Variants in DGKB observed in about 807,000 individuals in gnomAD.
DGKB encodes 90 kDa diacylglycerol kinase.
Under a neutral mutation model 114.3 loss-of-function variants are expected in DGKB, and 67 were observed. The observed-to-expected ratio is 0.59, with a 90% CI of 0.48 to 0.72. DGKB has a LOEUF of 0.72. Ranked by LOEUF, DGKB falls within the 30% of genes least tolerant of loss-of-function variation. DGKB has a pLI of 0.00. For missense variants in DGKB, 907 were observed against 975.2 expected (o/e 0.93, Z 0.93); for synonymous variants, 398 against 323.1 (o/e 1.23, Z -2.49).
chr7:14,333,927 A>C (rs910610103), intron 23 of DGKB, among the ~76,000 whole-genome samples: 1 of 152,190 alleles, frequency 6.6e-6, no homozygotes, highest in African/African-American at 2.4e-5. Flanking sequence ...AAAAGCTCCA[A>C]TTTCATTGCT....
intron 23 of DGKB, among the ~76,000 whole-genome samples, chr7:14,241,947 C>A (rs1793725684): frequency 1.0e-5 from 1 of 95,636 alleles, no homozygotes; most frequent in Non-Finnish European, 2.0e-5. Context: ...GATATATACA[C>A]ACACACATAT....
At chr7:14,208,177 T>A in intron 23 of DGKB, among the ~76,000 whole-genome samples, 1 of 152,026 alleles carries the variant, frequency 6.6e-6, no homozygotes, top group African/African-American at 2.4e-5. Context: ...TGAGAGAGTA[T>A]ATTCAACACA....
chr7:14,673,038 A>T lies in DGKB; in HGVS notation c.1036-11T>A. ...ACATTTATTATGCAGCTAGAAAAACAGAAAGGGGGATAGTATCAAATTCTA... is the reference window on the plus strand; with the variant it reads ...ACATTTATTATGCAGCTAGAAAAACTGAAAGGGGGATAGTATCAAATTCTA... On this transcript the variant is annotated splice_polypyrimidine_tract_variant and intron_variant, in intron 12 of 25. Coordinates refer to ENST00000402815, the MANE Select transcript of DGKB (RefSeq NM_001350709.2). 6.7e-7 allele frequency: 1 copy of T among 1,502,042 alleles called. No homozygotes were observed. Among genetic ancestry groups the T allele is most frequent in the Non-Finnish European group, 9.1e-7 (1 of 1,098,930 alleles). The allele number at this position is 1,502,042 out of a possible 1,614,324, so 93.0% of individuals were successfully genotyped here. A position where few individuals can be genotyped will look rare whatever the true frequency, so the allele number is the denominator to read the frequency against.
chr7:14,950,383 C>T (rs902644273), intron 1 of DGKB, among the ~76,000 whole-genome samples: 1 of 151,386 alleles, frequency 6.6e-6, no homozygotes, highest in African/African-American at 2.4e-5. Context: ...GCTTCACCAG[C>T]CAGAAGAAAG....
intron 2 of DGKB, among the ~76,000 whole-genome samples, chr7:14,806,927 T>A (rs984162347): frequency 6.6e-6 from 1 of 151,976 alleles, no homozygotes; most frequent in East Asian, 1.9e-4. Context: ...ATTTCAGGAC[T>A]TTCCCTGAAA....
At chr7:14,266,133 A>C (rs1289600215) in intron 23 of DGKB, among the ~76,000 whole-genome samples, 1 of 152,160 alleles carries the variant, frequency 6.6e-6, no homozygotes, top group Non-Finnish European at 1.5e-5. Flanking sequence ...AATAGCTATC[A>C]GTGTGTAGAG....
At chr7:14,674,736 C>G (rs1003813136) in intron 12 of DGKB, among the ~76,000 whole-genome samples, 6 of 152,038 alleles carry the variant, frequency 3.9e-5, no homozygotes, top group African/African-American at 1.2e-4. Context: ...CCTCTGATAA[C>G]ATAGGTCGAT....
At chr7:14,609,911 A>G (rs1436542947) in intron 16 of DGKB, among the ~76,000 whole-genome samples, 6 of 152,148 alleles carry the variant, frequency 3.9e-5, no homozygotes, top group African/African-American at 1.4e-4. Context: ...AAATGCCTCT[A>G]TGCTGTTGTT....
chr7:14,712,453 T>C (rs1309618448), intron 6 of DGKB, among the ~76,000 whole-genome samples: 2 of 151,864 alleles, frequency 1.3e-5, no homozygotes, highest in East Asian at 3.9e-4. Flanking sequence ...CGGGCGGATA[T>C]TTGAGGTCAG....
chr7:14,912,226 T>G (rs886753716), intron 1 of DGKB, among the ~76,000 whole-genome samples: 6 of 152,190 alleles, frequency 3.9e-5, no homozygotes, highest in Non-Finnish European at 8.8e-5. Context: ...AGAAACATCC[T>G]CATATGTTTC....
At chr7:14,902,303 T>C (rs1783219117) in intron 1 of DGKB, among the ~76,000 whole-genome samples, 1 of 152,190 alleles carries the variant, frequency 6.6e-6, no homozygotes, top group South Asian at 2.1e-4. Flanking sequence ...GAGACCACTC[T>C]TGGAATTAAA....
At chr7:14,890,162 T>C (rs1587227922) in intron 1 of DGKB, among the ~76,000 whole-genome samples, 2 of 151,680 alleles carry the variant, frequency 1.3e-5, no homozygotes, top group South Asian at 4.1e-4. Context: ...ACATGCTATA[T>C]TGTGTTCCAG....
At chr7:14,950,964 T>C (rs1237417678) in intron 1 of DGKB, among the ~76,000 whole-genome samples, 1 of 151,782 alleles carries the variant, frequency 6.6e-6, no homozygotes, top group Non-Finnish European at 1.5e-5. Context: ...ATATAATATA[T>C]CATATTAATA....
chr7:14,692,638 A>G (rs1823074835), intron 9 of DGKB, among the ~76,000 whole-genome samples: 1 of 151,446 alleles, frequency 6.6e-6, no homozygotes, highest in Non-Finnish European at 1.5e-5. Flanking sequence ...ACAAGAAAAT[A>G]CTATTTCACA....
intron 23 of DGKB, among the ~76,000 whole-genome samples, chr7:14,279,618 G>A (rs962309378): frequency 6.6e-6 from 1 of 152,090 alleles, no homozygotes; most frequent in Non-Finnish European, 1.5e-5. Context: ...TCTGCTGAGA[G>A]ATCCGCTGTT....
chr7:14,752,648 C>T (rs1586225889), intron 4 of DGKB, among the ~76,000 whole-genome samples: 1 of 152,242 alleles, frequency 6.6e-6, no homozygotes, highest in Non-Finnish European at 1.5e-5. Flanking sequence ...AGCCACTGCA[C>T]ATGAAACAAA....
At chr7:14,892,098 G>C (rs1781328669) in intron 1 of DGKB, among the ~76,000 whole-genome samples, 1 of 151,352 alleles carries the variant, frequency 6.6e-6, no homozygotes, top group Non-Finnish European at 1.5e-5. Flanking sequence ...TAAGAGAAGG[G>C]AGAATGAGAA....
chr7:14,734,357 T>A (rs1831393783), intron 5 of DGKB, among the ~76,000 whole-genome samples: 1 of 152,190 alleles, frequency 6.6e-6, no homozygotes, highest in African/African-American at 2.4e-5. Context: ...AACAATTCTA[T>A]ATTCTACTTT....
chr7:14,870,337 T>C (rs1053704331), intron 1 of DGKB, among the ~76,000 whole-genome samples: 1 of 152,138 alleles, frequency 6.6e-6, no homozygotes, highest in Non-Finnish European at 1.5e-5. Context: ...ATGAAAAGAG[T>C]AAACACATAA....
Sources: allele counts gnomAD v4.1 joint callset (sites outside exome capture counted in the v4.1 genomes callset), GRCh38; gene constraint gnomAD v4.1.1; transcripts MANE v1.5; gene names NCBI Gene and HGNC (gene_info 2026-07-23, HGNC 2026-07-21).